DPP9: variants seen among roughly 807,000 people sequenced by gnomAD.
DPP9 encodes dipeptidyl peptidase IV-related protein-2.
Under a neutral mutation model 110.7 loss-of-function variants are expected in DPP9, and 50 were observed. That is an observed-to-expected ratio of 0.45 (90% CI 0.36 to 0.57). The LOEUF is 0.57. Ranked by LOEUF, DPP9 falls within the 20% of genes least tolerant of loss-of-function variation. DPP9 has a pLI of 0.00. For synonymous variants in DPP9, 561 were observed against 514.4 expected (o/e 1.09, Z -1.23); for missense variants, 1,022 against 1,217.9 (o/e 0.84, Z 2.39).
Position 4,704,007 on chromosome 19 carries a change from G to A in DPP9, c.648C>T (p.Pro216=). Reference sequence around the variant, plus strand: ...CAGGGCAGATTTTGGGGTCCATCCGGGGCCCTGAGCACTGGGTCTTGATTT... The same window carrying A: ...CAGGGCAGATTTTGGGGTCCATCCGAGGCCCTGAGCACTGGGTCTTGATTT... The part of the protein sequence containing the change: ...PLEIKTQCSG[P]RMDPKICPAD... Residue 216 remains proline (P), a synonymous_variant, in exon 7 of 22, where the codon CCC becomes CCT. Transcript: ENST00000262960. This position sits in a 1 kb window ranked among gnomAD's most constrained non-coding sequence, Gnocchi z 6.0. 6.2e-7 allele frequency: 1 copy of A among 1,614,044 alleles called. No individual in the cohort carries two copies. Among genetic ancestry groups the A allele is most frequent in the Non-Finnish European group, 8.5e-7 (1 of 1,179,888 alleles).
intron 20 of DPP9, among the ~76,000 whole-genome samples, chr19:4,681,886 G>T (rs1373210672): frequency 7.9e-6 from 1 of 126,316 alleles, no homozygotes; most frequent in Non-Finnish European, 1.6e-5. Context: ...TGGCTCTGTC[G>T]CCCAGACTGT....
Position 4,688,402 on chromosome 19 carries a change from C to T in DPP9, c.1885+355G>A, listed in dbSNP as rs2090994174. On this transcript the variant is annotated intron_variant, in intron 16 of 21. Transcript: ENST00000262960. ...GGGATTACAGGCAGAAGCCACTGTGCCCGCTGATGAAAATGTTTACTTGTC... is the reference window on the plus strand; with the variant it reads ...GGGATTACAGGCAGAAGCCACTGTGTCCGCTGATGAAAATGTTTACTTGTC... The T allele has an allele frequency of 2.5e-5, 6 of 241,772 alleles. No individual in the cohort carries two copies. The Admixed American group carries it at 2.8e-4, about 11-fold the overall frequency. The allele number at this position is 241,772 out of a possible 1,614,324, so 15.0% of individuals were successfully genotyped here.
At position 4,694,691 on chromosome 19, in the gene DPP9, C is replaced by T. The variant is rs1439738491; in HGVS notation, c.1486G>A (p.Asp496Asn). The change falls in exon 13 of 22, where the codon GAT becomes AAT. Residue 496 changes from aspartate to asparagine, a missense_variant. Around this residue, in one of 3 missense-constraint regions of DPP9, gnomAD observed 810 missense variants for 920.6 expected, o/e 0.88. Coordinates refer to ENST00000262960, the MANE Select transcript of DPP9 (RefSeq NM_139159.5). The surrounding 1 kb of genome is among the most constrained non-coding windows in gnomAD (Gnocchi z 4.0). ...VTAVLKSQGY[D>N]WSEPFSPGED... ...CCGGGGCTGAAGGGCTCACTCCAATCGTAGCCCTGGGATTTTAAAACGGCG... is the reference window on the plus strand; with the variant it reads ...CCGGGGCTGAAGGGCTCACTCCAATTGTAGCCCTGGGATTTTAAAACGGCG... 3 of 1,612,486 alleles carry T rather than the reference C, an allele frequency of 1.9e-6. No individual in the cohort carries two copies. The highest frequency in any genetic ancestry group is 1.7e-5 in the Admixed American group (1 of 59,824).
At position 4,675,292 on chromosome 19, in the gene DPP9, A is replaced by T. The variant is rs1303200861; in HGVS notation, c.*1272T>A. 6.6e-6 allele frequency: 1 copy of T among 151,726 alleles called. No individual in the cohort carries two copies. Among genetic ancestry groups the T allele is most frequent in the Non-Finnish European group, 1.5e-5 (1 of 67,930 alleles). 9.4% of individuals were successfully genotyped at this position (151,726 alleles called of 1,614,324 possible). On this transcript the variant is annotated 3_prime_UTR_variant, in exon 22 of 22. Transcript: ENST00000262960. ...CACGCATAATTATAAAAGAATAAGA[A>T]TCGACAAAAATATTTTCTTTCCATA...
Position 4,722,707 on chromosome 19 carries a change from C to T in DPP9, c.-88-156G>A, listed in dbSNP as rs1433059129. 3 of 614,114 alleles carry T rather than the reference C, an allele frequency of 4.9e-6. No homozygotes were observed. The South Asian group carries it at 5.6e-5, about 12-fold the overall frequency. 38.0% of individuals were successfully genotyped at this position (614,114 alleles called of 1,614,324 possible). ...AAGCCCTGCAGCACTGTCTGCATGC[C>T]CTGGACAGAATCTGGGAGAGAAGCC... On this transcript the variant is annotated intron_variant, in intron 1 of 21. Transcript: ENST00000262960.
chr19:4,689,855 T>C lies in DPP9; in HGVS notation c.1597-133A>G. On this transcript the variant is annotated intron_variant, in intron 14 of 21. Transcript: ENST00000262960. This position sits in a 1 kb window ranked among gnomAD's most constrained non-coding sequence, Gnocchi z 7.0. ...ATGCTGTCCTCGCCCAAGTCTGGCT[T>C]TAGGGCTGGAGATGAACCATCCCTG... 9.7e-7 allele frequency: 1 copy of C among 1,032,486 alleles called. No individual in the cohort carries two copies. Among genetic ancestry groups the C allele is most frequent in the South Asian group, 1.8e-5 (1 of 56,306 alleles). 64.0% of individuals were successfully genotyped at this position (1,032,486 alleles called of 1,614,324 possible).
intron 19 of DPP9, chr19:4,683,154 TG>T (rs1232143559): frequency 2.1e-6 from 3 of 1,438,662 alleles, no homozygotes; most frequent in African/African-American, 1.5e-5. Flanking sequence ...GCCGCCGGCC[TG>T]GGGCCCCCCC....
At chr19:4,688,674 CT>C in intron 16 of DPP9, 82 bp downstream of exon 16, 1 of 1,350,870 alleles carries the variant, frequency 7.4e-7, no homozygotes. Flanking sequence ...AGGCCTCTGC[CT>C]CTTTCCCCAG....
At position 4,714,291 on chromosome 19, in the gene DPP9, T is replaced by A. The variant is rs2092973429; in HGVS notation, c.103A>T (p.Thr35Ser). Residue 35 changes from threonine to serine, a missense_variant, in exon 4 of 22, where the codon ACC (threonine) becomes TCC (serine). Coordinates refer to ENST00000262960, the MANE Select transcript of DPP9 (RefSeq NM_139159.5). ...EGAERMATTG[T>S]PTADRGDAAA... Reference sequence around the variant, plus strand: ...GCGTCGCCTCGGTCGGCCGTTGGGGTCCCGGTGGTGGCCATCCTCTCAGCC... The same window carrying A: ...GCGTCGCCTCGGTCGGCCGTTGGGGACCCGGTGGTGGCCATCCTCTCAGCC... The A allele has an allele frequency of 6.5e-7, 1 of 1,543,966 alleles. No individual in the cohort carries two copies. Among genetic ancestry groups the A allele is most frequent in the Non-Finnish European group, 8.7e-7 (1 of 1,147,990 alleles).
rs540228385 is a variant in DPP9 at position 4,710,205 on chromosome 19, C to T, written c.313+3876G>A. Among the ~76,000 whole-genome samples, 5 of 152,352 alleles carry T rather than the reference C, an allele frequency of 3.3e-5. No homozygotes were observed. Among genetic ancestry groups the T allele is most frequent in the South Asian group, 2.1e-4 (1 of 4,832 alleles). ...GCAAACACCATTTCCCGTCACTGCA[C>T]GCTGTGGCCTCGAGTGGCTGGCCTG... On this transcript the variant is annotated intron_variant, in intron 4 of 21. Transcript: ENST00000262960. This position sits in a 1 kb window ranked among gnomAD's most constrained non-coding sequence, Gnocchi z 5.6.
chr19:4,722,751 C>T (rs1244534564), intron 1 of DPP9, 200 bp from the exon 2 acceptor site: 4 of 570,780 alleles, frequency 7.0e-6, no homozygotes, highest in African/African-American at 1.9e-5. Flanking sequence ...GGCCCCGATT[C>T]CCCTGGGACC....
At chr19:4,703,760 G>T in intron 7 of DPP9, 126 bp downstream of exon 7, 1 of 952,538 alleles carries the variant, frequency 1.0e-6, no homozygotes, top group Non-Finnish European at 1.6e-6. Context: ...GGCTACAGAA[G>T]GTATGCACGG....
At chr19:4,699,872 C>A (rs892552753) in intron 10 of DPP9, among the ~76,000 whole-genome samples, 3 of 152,186 alleles carry the variant, frequency 2.0e-5, no homozygotes, top group African/African-American at 7.2e-5. Context: ...GGAGAGAGGG[C>A]AGCTCTGGAT....
chr19:4,684,984 C>A lies in DPP9; in HGVS notation c.2032-175G>T. The A allele has an allele frequency of 1.2e-6, 1 of 803,428 alleles. No individual in the cohort carries two copies. The highest frequency in any genetic ancestry group is 2.1e-6 in the Non-Finnish European group (1 of 479,032). 49.8% of individuals were successfully genotyped at this position (803,428 alleles called of 1,614,324 possible). On this transcript the variant is annotated intron_variant, in intron 17 of 21. Transcript: ENST00000262960. The surrounding 1 kb of genome is among the most constrained non-coding windows in gnomAD (Gnocchi z 4.8). ...CTGGGAGTGGCAAGGCGGGAGGGGCCCATACTCGGGACCCTGCTAGGGAGG... is the reference window on the plus strand; with the variant it reads ...CTGGGAGTGGCAAGGCGGGAGGGGCACATACTCGGGACCCTGCTAGGGAGG...
rs1244387848 is a variant in DPP9 at position 4,684,737 on chromosome 19, C to T, written c.2104G>A (p.Ala702Thr). 8 of 1,610,218 alleles carry T rather than the reference C, an allele frequency of 5.0e-6. No homozygotes were observed. In the Admixed American group the frequency reaches 5.1e-5, roughly 10 times the overall value. The change falls in exon 18 of 22, where the codon GCC (alanine) becomes ACC (threonine). Residue 702 changes from alanine (A) to threonine (T), a missense_variant. Coordinates refer to ENST00000262960, the MANE Select transcript of DPP9 (RefSeq NM_139159.5). This position sits in a 1 kb window ranked among gnomAD's most constrained non-coding sequence, Gnocchi z 4.8. ...RLNTLASLGY[A>T]VVVIDGRGSC... ...CCCCTGCCGTCAATCACAACCACGG[C>T]GTAGCCCAGGGAGGCCAGTGTGTTG...
intron 5 of DPP9, 116 bp downstream of exon 5, chr19:4,705,742 G>T: frequency 1.0e-6 from 1 of 958,978 alleles, no homozygotes; most frequent in Non-Finnish European, 1.6e-6. Context: ...CGGAGGGTTT[G>T]TGGGAACTCA....
At chr19:4,721,587 C>T (rs1237819807) in intron 2 of DPP9, among the ~76,000 whole-genome samples, 2 of 152,150 alleles carry the variant, frequency 1.3e-5, no homozygotes, top group African/African-American at 4.8e-5. Context: ...TCGAGACCAG[C>T]CTGGCCAACA....
intron 5 of DPP9, 123 bp downstream of exon 5, chr19:4,705,735 A>G (rs2092549785): frequency 1.1e-6 from 1 of 875,374 alleles, no homozygotes; most frequent in Non-Finnish European, 1.8e-6. Context: ...CACAGGACGG[A>G]GGGTTTGTGG....
intron 2 of DPP9, among the ~76,000 whole-genome samples, chr19:4,721,518 C>T (rs747829417): frequency 1.3e-5 from 2 of 152,202 alleles, no homozygotes; most frequent in Non-Finnish European, 2.9e-5. Flanking sequence ...CAGTGGCTCA[C>T]GCCTTTAATC....
Sources: gnomAD v4.1 joint callset for allele counts (sites outside exome capture counted in the v4.1 genomes callset) on GRCh38, gnomAD v4.1.1 for gene constraint, gnomAD v4.1.1 regional missense constraint, Gnocchi (gnomAD v3.1) non-coding constraint, MANE v1.5 for transcripts, NCBI Gene and HGNC (gene_info 2026-07-23, HGNC 2026-07-21) for gene names.